NFATC3: variants seen among roughly 807,000 people sequenced by gnomAD.
The protein encoded by NFATC3 is nuclear factor of activated T cells 3, also known as nuclear factor of activated T-cells, cytoplasmic 3.
In NFATC3, 46 loss-of-function variants were observed where a neutral mutation model predicts 98.6. The ratio of observed to expected loss-of-function variants is 0.47; its 90% CI spans 0.37 to 0.60. The LOEUF (loss-of-function observed/expected upper bound fraction) is 0.60. Ranked by LOEUF, NFATC3 falls within the 20% of genes least tolerant of loss-of-function variation. NFATC3 has a pLI of 0.00. For synonymous variants in NFATC3, 512 were observed against 472.2 expected, an observed-to-expected ratio of 1.08 and a Z score of -1.09; for missense variants, 1,256 against 1,295.5, an observed-to-expected ratio of 0.97 and a Z score of 0.47.
chr16:68,217,721 A>G (rs1291471212), intron 9 of NFATC3: 1 of 1,231,548 alleles, frequency 8.1e-7, no homozygotes, highest in Non-Finnish European at 1.0e-6. Context: ...GTTTTGTCAA[A>G]GCAGAGAAAC....
Position 68,201,977 on chromosome 16 carries a change from A to C in NFATC3, c.3106+10202A>C, listed in dbSNP as rs1441204114. Among the ~76,000 whole-genome samples, 17 of 151,138 alleles carry C rather than the reference A, an allele frequency of 1.1e-4. No individual in the cohort carries two copies. In the South Asian group the frequency reaches 3.1e-3, roughly 28 times the overall value. ...CATCTCAAAAAAAAAAAAAAAAAAA[A>C]AAAAAAAGATTATAGTATTGTGAAA... On this transcript the variant is annotated intron_variant, in intron 9 of 9. Transcript: ENST00000346183.
intron 1 of NFATC3, among the ~76,000 whole-genome samples, chr16:68,095,501 G>C (rs1432542966): frequency 2.0e-5 from 3 of 151,784 alleles, no homozygotes; most frequent in Non-Finnish European, 4.4e-5. Context: ...TTACAGATGT[G>C]TGTCACCGTG....
At chr16:68,175,795 A>G (rs937613558) in intron 6 of NFATC3, among the ~76,000 whole-genome samples, 14 of 152,144 alleles carry the variant, frequency 9.2e-5, no homozygotes, top group Non-Finnish European at 1.6e-4. Flanking sequence ...TCTTGACCTC[A>G]AGTGATCTGC....
rs1367803957 is a variant in NFATC3 at position 68,122,692 on chromosome 16, C to T, written c.809C>T (p.Pro270Leu). 3.1e-6 allele frequency: 5 copies of T among 1,614,074 alleles called. No homozygotes were observed. Among genetic ancestry groups the T allele is most frequent in the Non-Finnish European group, 3.4e-6 (4 of 1,180,050 alleles). ...GGACCCTCATCAAGGCCCACATCCCCCTGTGGGAAACGGAGGCACTCCAGT... is the reference window on the plus strand; with the variant it reads ...GGACCCTCATCAAGGCCCACATCCCTCTGTGGGAAACGGAGGCACTCCAGT... ...ASGPSSRPTSPCGKRRHSSAE... is the reference protein window; with the variant it reads ...ASGPSSRPTSLCGKRRHSSAE... Residue 270 changes from proline to leucine, a missense_variant, in exon 2 of 10, where the codon CCC becomes CTC. Transcript: ENST00000346183.
chr16:68,210,027 G>A (rs2041312790), intron 9 of NFATC3, among the ~76,000 whole-genome samples: 1 of 151,842 alleles, frequency 6.6e-6, no homozygotes, highest in Non-Finnish European at 1.5e-5. Context: ...GCCAGGTGCA[G>A]TGGCTCGCGC....
intron 1 of NFATC3, among the ~76,000 whole-genome samples, chr16:68,118,113 A>G (rs1598394067): frequency 1.3e-5 from 2 of 152,074 alleles, no homozygotes; most frequent in South Asian, 2.1e-4. Flanking sequence ...GTTTATGCCT[A>G]TTCTCCTGTG....
intron 3 of NFATC3, among the ~76,000 whole-genome samples, chr16:68,130,492 G>T (rs2037060168): frequency 6.6e-6 from 1 of 151,976 alleles, no homozygotes; most frequent in African/African-American, 2.4e-5. Flanking sequence ...CCACTTTTTA[G>T]ATTATTTGGG....
chr16:68,209,591 C>A, intron 9 of NFATC3: 2 of 349,816 alleles, frequency 5.7e-6, no homozygotes, highest in Non-Finnish European at 1.1e-5. Flanking sequence ...AGGGTCAGGC[C>A]CATCTTTTGT....
At chr16:68,121,855 A>G in intron 1 of NFATC3, 132 bp from the exon 2 acceptor site, 1 of 1,016,980 alleles carries the variant, frequency 9.8e-7, no homozygotes, top group South Asian at 1.7e-5. Context: ...GGAGCTAATG[A>G]CATACATTTT....
At chr16:68,188,357 G>T (rs981908203) in intron 8 of NFATC3, among the ~76,000 whole-genome samples, 2 of 152,186 alleles carry the variant, frequency 1.3e-5, no homozygotes, top group Non-Finnish European at 2.9e-5. Context: ...CGCCAAGAGC[G>T]CAGGGATGCC....
intron 4 of NFATC3, among the ~76,000 whole-genome samples, chr16:68,164,295 G>T (rs1475247463): frequency 6.6e-6 from 1 of 152,236 alleles, no homozygotes; most frequent in East Asian, 1.9e-4. Context: ...GCAGGCTGAG[G>T]CAGGAGAATC....
At chr16:68,092,468 A>T (rs1248847395) in intron 1 of NFATC3, among the ~76,000 whole-genome samples, 1 of 149,658 alleles carries the variant, frequency 6.7e-6, no homozygotes, top group South Asian at 2.1e-4. Context: ...AAAAAAAAAT[A>T]AATAAATAAA....
chr16:68,127,089 T>G (rs1177137262), intron 3 of NFATC3, among the ~76,000 whole-genome samples: 2 of 152,044 alleles, frequency 1.3e-5, no homozygotes, highest in Non-Finnish European at 1.5e-5. Context: ...GGCGGGCACC[T>G]GTAATCCCAG....
At chr16:68,219,214 C>T (rs1018623391) in intron 9 of NFATC3, among the ~76,000 whole-genome samples, 1 of 151,820 alleles carries the variant, frequency 6.6e-6, no homozygotes, top group Non-Finnish European at 1.5e-5. Flanking sequence ...AACCCCGCCT[C>T]TACTAAAATA....
chr16:68,198,867 T>C (rs1365258514), intron 9 of NFATC3, among the ~76,000 whole-genome samples: 1 of 152,088 alleles, frequency 6.6e-6, no homozygotes, highest in Non-Finnish European at 1.5e-5. Flanking sequence ...GCCAACATGG[T>C]GAAACCCCGT....
At chr16:68,178,451 T>A (rs1472370617) in intron 6 of NFATC3, among the ~76,000 whole-genome samples, 1 of 152,220 alleles carries the variant, frequency 6.6e-6, no homozygotes, top group Non-Finnish European at 1.5e-5. Flanking sequence ...TATGTAGCAG[T>A]GCTATGTGAT....
At chr16:68,126,696 C>T in intron 3 of NFATC3, 86 bp downstream of exon 3, 1 of 1,355,688 alleles carries the variant, frequency 7.4e-7, no homozygotes. Flanking sequence ...CTAGAGAGTG[C>T]AAAGAGCATA....
intron 3 of NFATC3, among the ~76,000 whole-genome samples, chr16:68,147,197 A>G (rs2038080502): frequency 6.6e-6 from 1 of 152,212 alleles, no homozygotes; most frequent in African/African-American, 2.4e-5. Flanking sequence ...GCCATCTAAT[A>G]TGACTAGGAT....
At chr16:68,153,528 A>C (rs2038452600) in intron 3 of NFATC3, among the ~76,000 whole-genome samples, 1 of 152,328 alleles carries the variant, frequency 6.6e-6, no homozygotes, top group Admixed American at 6.5e-5. Flanking sequence ...TTCCATATAG[A>C]TGTCTCACTG....
Sources: allele counts gnomAD v4.1 joint callset (sites outside exome capture counted in the v4.1 genomes callset), GRCh38; gene constraint gnomAD v4.1.1; transcripts MANE v1.5; gene names NCBI Gene and HGNC (gene_info 2026-07-23, HGNC 2026-07-21).